FBXO21: variants seen among roughly 807,000 people sequenced by gnomAD.
FBXO21 encodes F-box protein 21, also known as F-box only protein 21.
Under a neutral mutation model 76.6 loss-of-function variants are expected in FBXO21, and 32 were observed. That is an observed-to-expected ratio of 0.42 (90% CI 0.32 to 0.56). FBXO21 has a LOEUF of 0.56. Among genes scored for constraint, FBXO21 ranks in the 20% least tolerant of loss-of-function variants. The pLI, the probability that FBXO21 is intolerant of heterozygous loss-of-function variation, is 0.16. For missense variants in FBXO21, 586 were observed against 797.3 expected, an observed-to-expected ratio of 0.73 and a Z score of 3.19; for synonymous variants, 328 against 311.5, an observed-to-expected ratio of 1.05 and a Z score of -0.56.
rs563444252 is a variant in FBXO21 at position 117,189,481 on chromosome 12, C to T, written c.240-119G>A. 157 of 1,022,596 alleles carry T rather than the reference C, an allele frequency of 1.5e-4. 1 individual carries two copies. In the Admixed American group the frequency reaches 3.1e-3, roughly 20 times the overall value. The allele number at this position is 1,022,596 out of a possible 1,614,324, so 63.3% of individuals were successfully genotyped here. A position where few individuals can be genotyped will look rare whatever the true frequency, so the allele number is the denominator to read the frequency against. On this transcript the variant is annotated intron_variant, in intron 1 of 11. Coordinates refer to ENST00000622495, the MANE Select transcript of FBXO21 (RefSeq NM_015002.3). ...CGTCCAGTGGTAAGAGGGACCCCGG[C>T]GAGAGACCTAGTTCAAAACCCCACC... is the stretch of plus-strand genomic sequence containing the variant.
At position 117,148,934 on chromosome 12, in the gene FBXO21, T is replaced by A. The variant is rs537942801; in HGVS notation, c.1676-2657A>T. ...CTGTTGTCAGGTCTCTAGAGATGAT[T>A]TTCTCTTGGGAAAAATCAATAAATG... On this transcript the variant is annotated intron_variant, in intron 11 of 11. Coordinates refer to ENST00000622495, the MANE Select transcript of FBXO21 (RefSeq NM_015002.3). 3.3e-5 allele frequency among the ~76,000 whole-genome samples: 5 copies of A among 152,318 alleles called. No homozygotes were observed. In the South Asian group the frequency reaches 8.3e-4, roughly 25 times the overall value.
intron 3 of FBXO21, among the ~76,000 whole-genome samples, chr12:117,180,994 T>G (rs1047414125): frequency 6.6e-6 from 1 of 152,228 alleles, no homozygotes; most frequent in South Asian, 2.1e-4. Flanking sequence ...AACAGATGCA[T>G]TGTATTTATA....
intron 11 of FBXO21, among the ~76,000 whole-genome samples, chr12:117,149,952 CAAG>C (rs1955819971): frequency 6.6e-6 from 1 of 152,160 alleles, no homozygotes; most frequent in South Asian, 2.1e-4. Flanking sequence ...GGAAACCAGG[CAAG>C]AAGTAAATGA....
intron 11 of FBXO21, among the ~76,000 whole-genome samples, chr12:117,147,508 G>T (rs1391896928): frequency 3.0e-5 from 4 of 133,824 alleles, no homozygotes; most frequent in Admixed American, 8.4e-5. Flanking sequence ...CTGAGGCAGA[G>T]AACTGCTTGA....
chr12:117,167,410 G>GATTAGAT (rs1174701982), intron 7 of FBXO21, among the ~76,000 whole-genome samples: 3 of 152,180 alleles, frequency 2.0e-5, no homozygotes, highest in Admixed American at 6.5e-5. Context: ...TTAGCAGCAG[G>GATTAGAT]TAACCGTCTG....
intron 10 of FBXO21, among the ~76,000 whole-genome samples, chr12:117,157,653 G>T (rs868187098): frequency 6.6e-6 from 1 of 152,116 alleles, no homozygotes; most frequent in Non-Finnish European, 1.5e-5. Context: ...GATCTCTCAG[G>T]AAAGTAAGCT....
intron 11 of FBXO21, among the ~76,000 whole-genome samples, chr12:117,147,896 C>T (rs1001684209): frequency 1.3e-5 from 2 of 152,246 alleles, no homozygotes; most frequent in Middle Eastern, 3.2e-3. Flanking sequence ...CTGAAGCCAT[C>T]CTTGGCACTG....
In FBXO21 at chr12:117,174,809, C is replaced by G. The variant is rs926891881; in HGVS notation, c.593-12G>C. On this transcript the variant is annotated splice_polypyrimidine_tract_variant and intron_variant, in intron 4 of 11. Transcript: ENST00000622495. ...AATATATACAGCACCTGAAAATGAA[C>G]AAGAATTACCGAATAAATTCTCACG... 1 of 1,606,540 alleles carries G rather than the reference C, an allele frequency of 6.2e-7. No homozygotes were observed. The highest frequency in any genetic ancestry group is 1.7e-4 in the Middle Eastern group (1 of 6,034).
intron 9 of FBXO21, among the ~76,000 whole-genome samples, chr12:117,163,639 G>T (rs1956011931): frequency 6.6e-6 from 1 of 151,224 alleles, no homozygotes; most frequent in South Asian, 2.1e-4. Context: ...ATATATCCTG[G>T]TATCAAAAAT....
intron 3 of FBXO21, among the ~76,000 whole-genome samples, chr12:117,183,359 A>C (rs1956254184): frequency 6.6e-6 from 1 of 151,866 alleles, no homozygotes; most frequent in Admixed American, 6.6e-5. Flanking sequence ...TCCCAGGTTC[A>C]AGCAATTATC....
At position 117,189,260 on chromosome 12, in the gene FBXO21, T is replaced by C; in HGVS notation, c.342A>G (p.Val114=). 6.2e-7 allele frequency: 1 copy of C among 1,614,218 alleles called. No homozygotes were observed. ...QKAGLEARKI[V]ASFSKRFFSE... ...AAAAGAACCTCTTTGAGAACGAGGC[T>C]ACAATCTTCCGCGCTTCTAACCCAG... Residue 114 remains valine, a synonymous_variant, in exon 2 of 12, where the codon GTA becomes GTG. Coordinates refer to ENST00000622495, the MANE Select transcript of FBXO21 (RefSeq NM_015002.3).
rs188114730 is a variant in FBXO21, at chr12:117,176,721, G to A, written c.592+799C>T. ...GCCAGGTGTGGTGGCACTTGAGCAC[G>A]GGAGTTTGAATCTAGCATAGGTGAC... On this transcript the variant is annotated intron_variant, in intron 4 of 11. Coordinates refer to ENST00000622495, the MANE Select transcript of FBXO21 (RefSeq NM_015002.3). 1.7e-3 allele frequency among the ~76,000 whole-genome samples: 253 copies of A among 152,168 alleles called. 1 individual carries two copies. The highest frequency in any genetic ancestry group is 5.5e-3 in the African/African-American group (229 of 41,502).
intron 7 of FBXO21, among the ~76,000 whole-genome samples, chr12:117,168,206 CT>C (rs754922654): frequency 6.6e-6 from 1 of 152,174 alleles, no homozygotes; most frequent in African/African-American, 2.4e-5. Context: ...GAATTTCTTC[CT>C]TGAGTCATAT....
chr12:117,176,262 GTA>G (rs1198942296), intron 4 of FBXO21, among the ~76,000 whole-genome samples: 2 of 152,206 alleles, frequency 1.3e-5, no homozygotes, highest in African/African-American at 4.8e-5. Context: ...AAATCTCCAA[GTA>G]GTCAGTGGAA....
chr12:117,190,418 C>A lies in FBXO21; in HGVS notation c.39G>T (p.Val13=), dbSNP rs749992566. Residue 13 remains valine (V), a synonymous_variant, in exon 1 of 12, where the codon GTG becomes GTT. Transcript: ENST00000622495. ...GCGCGGCCTCCTCCGCCAGCGCCGG[C>A]ACCACCTCCATCGCGCTGTCGACTG... The part of the protein sequence containing the change: ...AAAVDSAMEV[V]PALAEEAAPE... 2.0e-5 allele frequency: 30 copies of A among 1,467,048 alleles called. No individual in the cohort carries two copies. Among genetic ancestry groups the A allele is most frequent in the South Asian group, 5.1e-5 (4 of 78,648 alleles). 90.9% of individuals were successfully genotyped at this position (1,467,048 alleles called of 1,614,324 possible).
At chr12:117,152,561 T>C (rs1955856745) in intron 11 of FBXO21, among the ~76,000 whole-genome samples, 1 of 151,920 alleles carries the variant, frequency 6.6e-6, no homozygotes, top group Admixed American at 6.6e-5. Flanking sequence ...TGAGGAACTG[T>C]CTTTAATAAG....
intron 11 of FBXO21, 116 bp downstream of exon 11, chr12:117,155,675 G>A: frequency 3.3e-6 from 4 of 1,194,638 alleles, no homozygotes; most frequent in Non-Finnish European, 4.7e-6. Flanking sequence ...GCCATGGGGC[G>A]TCGGCCGCCT....
At chr12:117,159,099 T>C (rs1477355688) in intron 9 of FBXO21, among the ~76,000 whole-genome samples, 1 of 152,204 alleles carries the variant, frequency 6.6e-6, no homozygotes, top group Admixed American at 6.5e-5. Flanking sequence ...TGCTGATGCA[T>C]TGTGAGCCTG....
rs576268828 is a variant in FBXO21 at position 117,168,918 on chromosome 12, T to C, written c.1014-1841A>G. 2.6e-5 allele frequency among the ~76,000 whole-genome samples: 4 copies of C among 152,274 alleles called. No homozygotes were observed. In the East Asian group the frequency reaches 7.7e-4, roughly 29 times the overall value. ...ACCATTGTGGAAGAGAGTGTGGTGA[T>C]TCCTCAAAGGCCTGAAGACAGCTAA... On this transcript the variant is annotated intron_variant, in intron 7 of 11. Coordinates refer to ENST00000622495, the MANE Select transcript of FBXO21 (RefSeq NM_015002.3).
Sources: gnomAD v4.1 joint callset for allele counts (sites outside exome capture counted in the v4.1 genomes callset) on GRCh38, gnomAD v4.1.1 for gene constraint, MANE v1.5 for transcripts, NCBI Gene and HGNC (gene_info 2026-07-23, HGNC 2026-07-21) for gene names.